KLHL26: variants seen among roughly 807,000 people sequenced by gnomAD.
KLHL26 encodes kelch-like protein 26.
KLHL26 carries 4 observed loss-of-function variants against 7.1 expected under a neutral mutation model. The observed-to-expected ratio is 0.56, with a 90% confidence interval of 0.28 to 1.28. KLHL26 has a LOEUF of 1.28. Among genes scored for constraint, KLHL26 ranks in the 50% most tolerant of loss-of-function variants. The pLI is 0.11. For missense variants in KLHL26, 896 were observed against 924.6 expected (o/e 0.97, Z 0.40); for synonymous variants, 465 against 414.1 (o/e 1.12, Z -1.49).
chr19:18,637,107 G>A lies in KLHL26; in HGVS notation c.53G>A (p.Gly18Asp). Residue 18 changes from glycine to aspartate, a missense_variant, in exon 1 of 3, where the codon GGC (glycine) becomes GAC (aspartate). Gly to Asp is a moderately conservative substitution (Grantham distance 94). Transcript: ENST00000300976. ...GGTGCTGGTGGCGGCGGCGCTTTCG[G>A]CGCGGGCCCGGGCCCCGAGCGCCCG... Reference protein sequence around the residue: ...SGGAGGGGAFGAGPGPERPNS... With the variant: ...SGGAGGGGAFDAGPGPERPNS... The A allele has an allele frequency of 7.3e-7, 1 of 1,374,140 alleles. No individual in the cohort carries two copies. 85.1% of individuals were successfully genotyped at this position (1,374,140 alleles called of 1,614,324 possible).
chr19:18,654,641 A>G (rs886816215), intron 1 of KLHL26, among the ~76,000 whole-genome samples: 1 of 143,794 alleles, frequency 7.0e-6, no homozygotes, highest in Non-Finnish European at 1.5e-5. Flanking sequence ...ACTCACCTAT[A>G]CATCCACGCA....
intron 1 of KLHL26, among the ~76,000 whole-genome samples, chr19:18,641,316 CT>C (rs61471216): frequency 1.5e-3 from 153 of 105,100 alleles, no homozygotes; most frequent in East Asian, 6.3e-3. Flanking sequence ...GTTGGGTTGC[CT>C]TTTTTTTTTT....
intron 2 of KLHL26, among the ~76,000 whole-genome samples, chr19:18,666,121 C>T (rs1176126906): frequency 1.3e-5 from 2 of 152,238 alleles, no homozygotes; most frequent in African/African-American, 2.4e-5. Context: ...GCATCATGCC[C>T]GAGGGCCAGC....
chr19:18,663,829 T>C (rs912701934), intron 1 of KLHL26, among the ~76,000 whole-genome samples: 2 of 150,030 alleles, frequency 1.3e-5, no homozygotes, highest in African/African-American at 4.9e-5. Flanking sequence ...AGAGGGCTCG[T>C]ATACTCTGGG....
At chr19:18,662,468 C>T (rs935878939) in intron 1 of KLHL26, among the ~76,000 whole-genome samples, 4 of 152,200 alleles carry the variant, frequency 2.6e-5, no homozygotes, top group African/African-American at 9.6e-5. Context: ...CCTACTTCGT[C>T]TCATTTACGC....
At chr19:18,654,256 A>C (rs1311824336) in intron 1 of KLHL26, among the ~76,000 whole-genome samples, 1 of 128,486 alleles carries the variant, frequency 7.8e-6, no homozygotes, top group Non-Finnish European at 1.6e-5. Context: ...TAACTCATCT[A>C]CTGCCCATCC....
chr19:18,638,977 A>C (rs978936770), intron 1 of KLHL26, among the ~76,000 whole-genome samples: 4 of 152,188 alleles, frequency 2.6e-5, no homozygotes, highest in Admixed American at 2.6e-4. Context: ...CTGAGATTAC[A>C]GATGTGAGCC....
At chr19:18,667,143 CTT>C (rs112708511) in intron 2 of KLHL26, among the ~76,000 whole-genome samples, 27 of 144,152 alleles carry the variant, frequency 1.9e-4, no homozygotes, top group African/African-American at 4.5e-4. Flanking sequence ...GATTCAAAAT[CTT>C]TTTTTTTTTT....
rs540800054 is a variant in KLHL26, at chr19:18,666,113, A to T, written c.267-1551A>T. On this transcript the variant is annotated intron_variant, in intron 2 of 2. Coordinates refer to ENST00000300976, the MANE Select transcript of KLHL26 (RefSeq NM_018316.3). The stretch of plus-strand genomic sequence containing the variant: ...CTGCGACCGCCTCTGCCTTCATCGC[A>T]TCATGCCCGAGGGCCAGCGTGGACC... 2.0e-5 allele frequency among the ~76,000 whole-genome samples: 3 copies of T among 152,350 alleles called. No individual in the cohort carries two copies. In the South Asian group the frequency reaches 6.2e-4, roughly 32 times the overall value.
chr19:18,650,635 C>T lies in KLHL26; in HGVS notation c.83+13498C>T, dbSNP rs797007560. Among the ~76,000 whole-genome samples the T allele has an allele frequency of 7.2e-5, 11 of 152,290 alleles. No homozygotes were observed. Among genetic ancestry groups the T allele is most frequent in the African/African-American group, 2.6e-4 (11 of 41,552 alleles). On this transcript the variant is annotated intron_variant, in intron 1 of 2. Transcript: ENST00000300976. The surrounding 1 kb of genome is among the most constrained non-coding windows in gnomAD (Gnocchi z 4.2). ...CCACGTGAGTCACTTGCACAGATGACGGGTGATGTTTTCCTCGCCAAGGCT... is the reference window on the plus strand; with the variant it reads ...CCACGTGAGTCACTTGCACAGATGATGGGTGATGTTTTCCTCGCCAAGGCT...
At chr19:18,657,863 G>A (rs1308669514) in intron 1 of KLHL26, among the ~76,000 whole-genome samples, 2 of 152,176 alleles carry the variant, frequency 1.3e-5, no homozygotes, top group Non-Finnish European at 2.9e-5. Flanking sequence ...GCTGTCCCAC[G>A]GGAAAGCTTG....
At position 18,669,639 on chromosome 19, in the gene KLHL26, C is replaced by T. The variant is rs78112662; in HGVS notation, c.*394C>T. 3,903 of 392,150 alleles carry T rather than the reference C, an allele frequency of 1.0e-2. 33 individuals carry two copies. Among genetic ancestry groups the T allele is most frequent in the Non-Finnish European group, 0.014 (3,077 of 218,834 alleles). 24.3% of individuals were successfully genotyped at this position (392,150 alleles called of 1,614,324 possible). A position where few individuals can be genotyped will look rare whatever the true frequency, so the allele number is the denominator to read the frequency against. On this transcript the variant is annotated 3_prime_UTR_variant, in exon 3 of 3. Transcript: ENST00000300976. ...TTCAGGCATTCAGATGTGAGCTCATCAACATTGAACCCAAAGTCGGTGGTA... is the reference window on the plus strand; with the variant it reads ...TTCAGGCATTCAGATGTGAGCTCATTAACATTGAACCCAAAGTCGGTGGTA...
Position 18,649,659 on chromosome 19 carries a change from G to A in KLHL26, c.83+12522G>A, listed in dbSNP as rs1052396180. ...TGGGGGCCAAGCCCGCTGGGTTCCC[G>A]CTGCCGGCAGCCCCGCCCTCCTCCT... On this transcript the variant is annotated intron_variant, in intron 1 of 2. Transcript: ENST00000300976. This position sits in a 1 kb window ranked among gnomAD's most constrained non-coding sequence, Gnocchi z 4.0. Among the ~76,000 whole-genome samples, 3 of 152,188 alleles carry A rather than the reference G, an allele frequency of 2.0e-5. No individual in the cohort carries two copies. Among genetic ancestry groups the A allele is most frequent in the Admixed American group, 6.5e-5 (1 of 15,290 alleles).
rs759540646 is a variant in KLHL26, at chr19:18,668,999, G to C, written c.1602G>C (p.Pro534=). Residue 534 remains proline, a synonymous_variant, in exon 3 of 3, where the codon CCG becomes CCC. Transcript: ENST00000300976. The part of the protein sequence containing the change: ...FDVLAVEYYV[P]ETDQWTSVSP... ...TGCTGGCTGTGGAGTACTATGTGCC[G>C]GAGACGGACCAGTGGACCAGCGTGA... is the stretch of plus-strand genomic sequence containing the variant. 1.9e-6 allele frequency: 3 copies of C among 1,612,554 alleles called. No individual in the cohort carries two copies. The highest frequency in any genetic ancestry group is 1.3e-5 in the African/African-American group (1 of 74,930).
intron 1 of KLHL26, among the ~76,000 whole-genome samples, chr19:18,637,767 A>T (rs1976645694): frequency 6.6e-6 from 1 of 151,928 alleles, no homozygotes; most frequent in Non-Finnish European, 1.5e-5. Context: ...TAAAGAACAT[A>T]CAGAGGGTTC....
In KLHL26 at chr19:18,668,538, G is replaced by A; in HGVS notation, c.1141G>A (p.Asp381Asn). 2 of 1,595,610 alleles carry A rather than the reference G, an allele frequency of 1.3e-6. No homozygotes were observed. Among genetic ancestry groups the A allele is most frequent in the East Asian group, 2.2e-5 (1 of 44,630 alleles). ...LQYRSGEGAV[D>N]ACYRYDPHLN... ...GTACCGCAGCGGCGAGGGCGCAGTG[G>A]ACGCCTGCTACCGCTACGACCCCCA... The change falls in exon 3 of 3, where the codon GAC becomes AAC. Residue 381 changes from aspartate (D) to asparagine (N), a missense_variant. Transcript: ENST00000300976.
rs1976854166 is a variant in KLHL26 at position 18,649,051 on chromosome 19, G to A, written c.83+11914G>A. Among the ~76,000 whole-genome samples the A allele has an allele frequency of 6.6e-6, 1 of 152,190 alleles. No homozygotes were observed. Among genetic ancestry groups the A allele is most frequent in the Non-Finnish European group, 1.5e-5 (1 of 68,032 alleles). On this transcript the variant is annotated intron_variant, in intron 1 of 2. Coordinates refer to ENST00000300976, the MANE Select transcript of KLHL26 (RefSeq NM_018316.3). The surrounding 1 kb of genome is among the most constrained non-coding windows in gnomAD (Gnocchi z 4.0). The stretch of plus-strand genomic sequence containing the variant: ...GAGCTTCCGCAGCTCTGACGGCTCT[G>A]CTGGGCTCTGAAGCACGCTCACTGG...
rs1460570597 is a variant in KLHL26, at chr19:18,649,828, C to T, written c.83+12691C>T. On this transcript the variant is annotated intron_variant, in intron 1 of 2. Coordinates refer to ENST00000300976, the MANE Select transcript of KLHL26 (RefSeq NM_018316.3). This position sits in a 1 kb window ranked among gnomAD's most constrained non-coding sequence, Gnocchi z 4.0. ...CAGAATTCACAGGACTCGTCTCCAA[C>T]GGCTGCGCCAGCAATTCCCTAGCAT... Among the ~76,000 whole-genome samples the T allele has an allele frequency of 5.3e-5, 8 of 152,186 alleles. No homozygotes were observed. Among genetic ancestry groups the T allele is most frequent in the African/African-American group, 1.2e-4 (5 of 41,456 alleles).
In KLHL26 at chr19:18,669,504, T is replaced by C. The variant is rs575453058; in HGVS notation, c.*259T>C. 20 of 568,064 alleles carry C rather than the reference T, an allele frequency of 3.5e-5. No homozygotes were observed. The South Asian group carries it at 4.6e-4, about 13-fold the overall frequency. The allele number at this position is 568,064 out of a possible 1,614,324, so 35.2% of individuals were successfully genotyped here. ...GCAGCAAATTCGTCCCCGGGGTGGT[T>C]TCCTCGCCTGGCCCCCGAGTCCCCA... On this transcript the variant is annotated 3_prime_UTR_variant, in exon 3 of 3. Transcript: ENST00000300976.
Sources: gnomAD v4.1 joint callset for allele counts (sites outside exome capture counted in the v4.1 genomes callset) on GRCh38, gnomAD v4.1.1 for gene constraint, Gnocchi (gnomAD v3.1) non-coding constraint, MANE v1.5 for transcripts, NCBI Gene and HGNC (gene_info 2026-07-23, HGNC 2026-07-21) for gene names.